NKAIN3: variants seen among roughly 807,000 people sequenced by gnomAD.
The protein encoded by NKAIN3 is sodium/potassium transporting ATPase interacting 3, also known as sodium/potassium-transporting ATPase subunit beta-1-interacting protein 3.
Under a neutral mutation model 30.2 loss-of-function variants are expected in NKAIN3, and 25 were observed. The ratio of observed to expected loss-of-function variants is 0.83; its 90% CI spans 0.60 to 1.16. The LOEUF (loss-of-function observed/expected upper bound fraction) is 1.16. NKAIN3 is among the 50% of genes most tolerant of loss of function. The pLI, the probability that NKAIN3 is intolerant of heterozygous loss-of-function variation, is 0.00. For missense variants in NKAIN3, 225 were observed against 254.1 expected (o/e 0.89, Z 0.78); for synonymous variants, 91 against 89.6 (o/e 1.02, Z -0.09).
At chr8:62,765,990 G>A (rs1037781702) in intron 4 of NKAIN3, among the ~76,000 whole-genome samples, 2 of 151,998 alleles carry the variant, frequency 1.3e-5, no homozygotes, top group African/African-American at 4.8e-5. Context: ...ATGCTACTTT[G>A]CAAATTACTT....
At chr8:62,386,914 T>TGAGAGAGAGA (rs141443243) in intron 1 of NKAIN3, among the ~76,000 whole-genome samples, 21 of 147,976 alleles carry the variant, frequency 1.4e-4, no homozygotes, top group South Asian at 6.5e-4. Context: ...AATTGATATA[T>TGAGAGAGAGA]GAGAGAGAGA....
intron 1 of NKAIN3, among the ~76,000 whole-genome samples, chr8:62,573,641 A>G (rs1810016223): frequency 6.6e-6 from 1 of 152,040 alleles, no homozygotes; most frequent in African/African-American, 2.4e-5. Flanking sequence ...ATTCTTACCT[A>G]CTTTAGCTTT....
chr8:62,615,462 CT>C (rs1297712017), intron 3 of NKAIN3, among the ~76,000 whole-genome samples: 3 of 152,130 alleles, frequency 2.0e-5, no homozygotes, highest in African/African-American at 7.2e-5. Flanking sequence ...GCCAGCACTC[CT>C]TTTGCTGCCC....
At chr8:62,517,986 G>A (rs905665207) in intron 1 of NKAIN3, among the ~76,000 whole-genome samples, 4 of 152,060 alleles carry the variant, frequency 2.6e-5, no homozygotes, top group African/African-American at 9.7e-5. Context: ...AGAATGAGCT[G>A]CCATGACTAT....
intron 1 of NKAIN3, among the ~76,000 whole-genome samples, chr8:62,538,303 T>G (rs972223556): frequency 2.0e-5 from 3 of 151,884 alleles, no homozygotes; most frequent in Non-Finnish European, 4.4e-5. Flanking sequence ...CACTCCTGAG[T>G]AGCAAGGACC....
At chr8:62,760,588 G>A (rs1586169631) in intron 4 of NKAIN3, among the ~76,000 whole-genome samples, 1 of 149,502 alleles carries the variant, frequency 6.7e-6, no homozygotes, top group East Asian at 2.0e-4. Context: ...AGAACACATG[G>A]ACACAGGAAG....
rs1420107184 is a variant in NKAIN3 at position 62,981,251 on chromosome 8, G to T, written c.*15844G>T. On this transcript the variant is annotated 3_prime_UTR_variant, in exon 7 of 7. Coordinates refer to ENST00000623646, the MANE Select transcript of NKAIN3 (RefSeq NM_001304533.3). Reference sequence around the variant, plus strand: ...AATAATTACAACCTTTAAGAAAATGGAGAGTTTTCATTAAAGGGCCCCTGC... The same window carrying T: ...AATAATTACAACCTTTAAGAAAATGTAGAGTTTTCATTAAAGGGCCCCTGC... 6.6e-6 allele frequency: 1 copy of T among 152,048 alleles called. No homozygotes were observed. Among genetic ancestry groups the T allele is most frequent in the African/African-American group, 2.4e-5 (1 of 41,386 alleles). The allele number at this position is 152,048 out of a possible 1,614,324, so 9.4% of individuals were successfully genotyped here.
chr8:62,486,391 C>G (rs961699137), intron 1 of NKAIN3, among the ~76,000 whole-genome samples: 1 of 151,438 alleles, frequency 6.6e-6, no homozygotes, highest in Non-Finnish European at 1.5e-5. Context: ...CTCAGACTCA[C>G]AGGATTTCTT....
intron 1 of NKAIN3, among the ~76,000 whole-genome samples, chr8:62,338,674 G>T (rs1815643983): frequency 1.3e-5 from 2 of 151,984 alleles, no homozygotes; most frequent in African/African-American, 2.4e-5. Flanking sequence ...TCTGCAAGCT[G>T]AGGAGCAAAG....
chr8:62,964,518 GAGAA>G (rs985932620), intron 6 of NKAIN3, among the ~76,000 whole-genome samples: 15 of 135,294 alleles, frequency 1.1e-4, no homozygotes, highest in African/African-American at 3.7e-4. Flanking sequence ...AGAACCAGTA[GAGAA>G]AGAGAGAGAG....
Position 62,971,190 on chromosome 8 carries a change from G to A in NKAIN3, c.*5783G>A, listed in dbSNP as rs1417840565. ...CCTTGGAGGTGGAGAAGGAACAAAA[G>A]GAATGTTTCTTTCCTTTAAGGATAT... On this transcript the variant is annotated 3_prime_UTR_variant, in exon 7 of 7. Transcript: ENST00000623646. Among the ~76,000 whole-genome samples the A allele has an allele frequency of 6.6e-6, 1 of 152,124 alleles. No homozygotes were observed. Among genetic ancestry groups the A allele is most frequent in the Non-Finnish European group, 1.5e-5 (1 of 68,020 alleles).
intron 1 of NKAIN3, among the ~76,000 whole-genome samples, chr8:62,570,920 A>G (rs995662025): frequency 6.6e-6 from 1 of 152,214 alleles, no homozygotes; most frequent in African/African-American, 2.4e-5. Flanking sequence ...GCATTTGATC[A>G]AACGATAGTT....
At chr8:62,935,499 T>A (rs1822757307) in intron 5 of NKAIN3, among the ~76,000 whole-genome samples, 2 of 152,092 alleles carry the variant, frequency 1.3e-5, no homozygotes, top group African/African-American at 4.8e-5. Flanking sequence ...CCAACTCACA[T>A]AGCGTGTAAG....
In NKAIN3 at chr8:62,808,520, G is replaced by A. The variant is rs182938986; in HGVS notation, c.471+61391G>A. 5.1e-3 allele frequency among the ~76,000 whole-genome samples: 775 copies of A among 152,052 alleles called. 4 individuals carry two copies. The highest frequency in any genetic ancestry group is 1.0e-2 in the South Asian group (48 of 4,818). On this transcript the variant is annotated intron_variant, in intron 4 of 6. Coordinates refer to ENST00000623646, the MANE Select transcript of NKAIN3 (RefSeq NM_001304533.3). Reference sequence around the variant, plus strand: ...TTCTTTTCTATTTTCCCTAAGTGTCGACCGGTCTGAGAAATAAGGGGAAAG... The same window carrying A: ...TTCTTTTCTATTTTCCCTAAGTGTCAACCGGTCTGAGAAATAAGGGGAAAG...
chr8:62,904,194 G>A (rs1821705806), intron 4 of NKAIN3, among the ~76,000 whole-genome samples: 2 of 152,126 alleles, frequency 1.3e-5, no homozygotes, highest in Admixed American at 1.3e-4. Context: ...CTTGCTATGA[G>A]GGTTGGAACA....
At chr8:62,963,383 G>A (rs1823625529) in intron 6 of NKAIN3, among the ~76,000 whole-genome samples, 1 of 152,126 alleles carries the variant, frequency 6.6e-6, no homozygotes, top group African/African-American at 2.4e-5. Flanking sequence ...GGCTCAGCCT[G>A]TTTCACTGCT....
At chr8:62,832,718 A>G (rs1819235950) in intron 4 of NKAIN3, among the ~76,000 whole-genome samples, 3 of 151,228 alleles carry the variant, frequency 2.0e-5, no homozygotes, top group Admixed American at 2.0e-4. Flanking sequence ...CTATGAAAAG[A>G]CTTAGGCAGC....
chr8:62,730,179 A>C (rs1189001478), intron 3 of NKAIN3, among the ~76,000 whole-genome samples: 10 of 151,872 alleles, frequency 6.6e-5, no homozygotes, highest in Non-Finnish European at 2.9e-5. Context: ...TAATATCCTT[A>C]TTGTTGTCTT....
chr8:62,322,211 G>T (rs199973279), intron 1 of NKAIN3, among the ~76,000 whole-genome samples: 18 of 152,280 alleles, frequency 1.2e-4, no homozygotes, highest in African/African-American at 4.1e-4. Context: ...ACCCGATTTT[G>T]CAGGTGCCAT....
Sources: allele counts gnomAD v4.1 joint callset (sites outside exome capture counted in the v4.1 genomes callset), GRCh38; gene constraint gnomAD v4.1.1; transcripts MANE v1.5; gene names NCBI Gene and HGNC (gene_info 2026-07-23, HGNC 2026-07-21).